TRDMT1: variants seen among roughly 807,000 people sequenced by gnomAD.
The protein encoded by TRDMT1 is tRNA (cytosine(38)-C(5))-methyltransferase.
In TRDMT1, 49 loss-of-function variants were observed where a neutral mutation model predicts 51.2. The ratio of observed to expected loss-of-function variants is 0.96; its 90% CI spans 0.76 to 1.21. The LOEUF is 1.21. TRDMT1 is among the 50% of genes most tolerant of loss of function. The probability of loss-of-function intolerance (pLI) is 0.00; values close to 1 mark genes in which losing one functional copy is unlikely to be tolerated. For missense variants in TRDMT1, 534 were observed against 462.3 expected, an observed-to-expected ratio of 1.16 and a Z score of -1.42; for synonymous variants, 187 against 164.6, an observed-to-expected ratio of 1.14 and a Z score of -1.04.
chr10:17,170,481 C>T (rs910550155), intron 2 of TRDMT1, among the ~76,000 whole-genome samples: 2 of 152,208 alleles, frequency 1.3e-5, no homozygotes, highest in Non-Finnish European at 2.9e-5. Flanking sequence ...TAACACTGTT[C>T]ATCCTGTATT....
In TRDMT1 at chr10:17,145,723, G is replaced by T. The variant is rs75687718; in HGVS notation, c.*3317C>A. 1.0e-6 allele frequency: 1 copy of T among 985,234 alleles called. No individual in the cohort carries two copies. Among genetic ancestry groups the T allele is most frequent in the Non-Finnish European group, 1.2e-6 (1 of 829,918 alleles). The allele number at this position is 985,234 out of a possible 1,614,324, so 61.0% of individuals were successfully genotyped here. A position where few individuals can be genotyped will look rare whatever the true frequency, so the allele number is the denominator to read the frequency against. ...TGTTATCTTGGCTTTTTTAGAAACC[G>T]CTTGTTTCTAAACTCTTAAGTTATC... is the stretch of plus-strand genomic sequence containing the variant. On this transcript the variant is annotated 3_prime_UTR_variant, in exon 11 of 11. Coordinates refer to ENST00000377799, the MANE Select transcript of TRDMT1 (RefSeq NM_004412.7).
intron 10 of TRDMT1, chr10:17,150,911 G>A (rs1217209619): frequency 2.0e-6 from 2 of 985,182 alleles, no homozygotes; most frequent in African/African-American, 3.5e-5. Flanking sequence ...CTATCCCAGA[G>A]ATGATCTTTT....
chr10:17,198,056 G>T (rs576428628), intron 1 of TRDMT1, among the ~76,000 whole-genome samples: 1 of 151,428 alleles, frequency 6.6e-6, no homozygotes, highest in Non-Finnish European at 1.5e-5. Context: ...GAAAGAAAAA[G>T]AAAAGATGCT....
intron 1 of TRDMT1, among the ~76,000 whole-genome samples, chr10:17,183,092 G>GT (rs1843473359): frequency 6.6e-6 from 1 of 152,154 alleles, no homozygotes; most frequent in Admixed American, 6.5e-5. Context: ...AAGGAAAATT[G>GT]TAAACAAGTA....
intron 8 of TRDMT1, 41 bp from the exon 9 acceptor site, chr10:17,154,775 G>A (rs1839272514): frequency 6.6e-7 from 1 of 1,521,364 alleles, no homozygotes. Flanking sequence ...CCTGATGTAT[G>A]TGTTAATGCT....
intron 1 of TRDMT1, among the ~76,000 whole-genome samples, chr10:17,184,326 T>C (rs1328346240): frequency 1.3e-5 from 2 of 152,206 alleles, no homozygotes; most frequent in East Asian, 1.9e-4. Flanking sequence ...GACATATTTA[T>C]GGAAAAGTCA....
At chr10:17,174,748 T>G in intron 1 of TRDMT1, 88 bp from the exon 2 acceptor site, 1 of 1,013,504 alleles carries the variant, frequency 9.9e-7, no homozygotes, top group Non-Finnish European at 1.5e-6. Flanking sequence ...AGTAATCCAT[T>G]TCCTTATTTC....
chr10:17,153,898 A>T (rs866848081), intron 9 of TRDMT1, among the ~76,000 whole-genome samples: 2 of 152,240 alleles, frequency 1.3e-5, no homozygotes, highest in African/African-American at 4.8e-5. Context: ...CCTTAAAATC[A>T]TAAGAGTATA....
chr10:17,150,293 C>T (rs1838516209), intron 10 of TRDMT1: 3 of 718,646 alleles, frequency 4.2e-6, no homozygotes, highest in Non-Finnish European at 5.1e-6. Context: ...GAAATGTTGA[C>T]TCAAATCCTT....
At chr10:17,168,971 G>A (rs567226454) in intron 2 of TRDMT1, 54 bp from the exon 3 acceptor site, 131 of 1,153,506 alleles carry the variant, frequency 1.1e-4, no homozygotes, top group Admixed American at 1.6e-4. Flanking sequence ...GGATAGAATG[G>A]GGAAGAGGGA....
chr10:17,155,913 TG>T (rs1236473143), intron 8 of TRDMT1, among the ~76,000 whole-genome samples: 2 of 152,210 alleles, frequency 1.3e-5, no homozygotes, highest in Non-Finnish European at 2.9e-5. Flanking sequence ...ATTTCAAGGT[TG>T]TTTTTTATTA....
In TRDMT1 at chr10:17,145,221, T is replaced by C. The variant is rs1837996191; in HGVS notation, c.*3819A>G. The C allele has an allele frequency of 2.2e-6, 2 of 913,630 alleles. No homozygotes were observed. The highest frequency in any genetic ancestry group is 3.6e-5 in the African/African-American group (2 of 55,194). The allele number at this position is 913,630 out of a possible 1,614,324, so 56.6% of individuals were successfully genotyped here. A position where few individuals can be genotyped will look rare whatever the true frequency, so the allele number is the denominator to read the frequency against. On this transcript the variant is annotated 3_prime_UTR_variant, in exon 11 of 11. Coordinates refer to ENST00000377799, the MANE Select transcript of TRDMT1 (RefSeq NM_004412.7). ...GAGATCACGCCACTGCACTCCAGCC[T>C]AGGCAACAGAGCGAGACTCAGTCTC... is the stretch of plus-strand genomic sequence containing the variant.
intron 1 of TRDMT1, among the ~76,000 whole-genome samples, chr10:17,176,404 T>C (rs980981730): frequency 8.5e-5 from 13 of 152,168 alleles, no homozygotes; most frequent in African/African-American, 3.1e-4. Context: ...AATTTTATGT[T>C]CTTGTGTTAT....
intron 1 of TRDMT1, among the ~76,000 whole-genome samples, chr10:17,177,670 A>G (rs780859137): frequency 6.6e-6 from 1 of 151,918 alleles, no homozygotes; most frequent in Non-Finnish European, 1.5e-5. Context: ...GGATACATAC[A>G]TAATTCTTGC....
intron 1 of TRDMT1, chr10:17,200,580 G>A (rs1846017624): frequency 6.0e-6 from 1 of 167,028 alleles, no homozygotes; most frequent in Admixed American, 6.5e-5. Context: ...TTCGGTGGTT[G>A]TCTTAGTAAT....
intron 10 of TRDMT1, among the ~76,000 whole-genome samples, chr10:17,152,625 C>G (rs1022458909): frequency 3.9e-5 from 6 of 152,186 alleles, no homozygotes; most frequent in Non-Finnish European, 7.3e-5. Context: ...CCTCCCAGCC[C>G]ATCAGCCAGG....
chr10:17,179,288 A>C (rs1842985366), intron 1 of TRDMT1, among the ~76,000 whole-genome samples: 1 of 152,140 alleles, frequency 6.6e-6, no homozygotes, highest in Non-Finnish European at 1.5e-5. Context: ...TTTCCTTGGC[A>C]GAAGAGAAGA....
At chr10:17,186,930 T>A (rs1232093011) in intron 1 of TRDMT1, among the ~76,000 whole-genome samples, 2 of 152,212 alleles carry the variant, frequency 1.3e-5, no homozygotes, top group Non-Finnish European at 1.5e-5. Context: ...TATAATTTAT[T>A]TTAATGTTCA....
chr10:17,186,367 A>C (rs1843927908), intron 1 of TRDMT1, among the ~76,000 whole-genome samples: 1 of 152,176 alleles, frequency 6.6e-6, no homozygotes, highest in South Asian at 2.1e-4. Flanking sequence ...GGCCCAGTAT[A>C]ATCACAGGAA....
Sources: gnomAD v4.1 joint callset for allele counts (sites outside exome capture counted in the v4.1 genomes callset) on GRCh38, gnomAD v4.1.1 for gene constraint, MANE v1.5 for transcripts, NCBI Gene and HGNC (gene_info 2026-07-23, HGNC 2026-07-21) for gene names.